PDE11A: variants seen among roughly 807,000 people sequenced by gnomAD.
PDE11A encodes the protein phosphodiesterase 11A.
Under a neutral mutation model 100.5 loss-of-function variants are expected in PDE11A, and 100 were observed. The ratio of observed to expected loss-of-function variants is 1.00; its 90% CI spans 0.85 to 1.18. The LOEUF is 1.18. Ranked by LOEUF, PDE11A falls within the 50% of genes most tolerant of loss-of-function variation. The probability of loss-of-function intolerance (pLI) is 0.00; values close to 1 mark genes in which losing one functional copy is unlikely to be tolerated. For synonymous variants in PDE11A, 381 were observed against 420.8 expected, an observed-to-expected ratio of 0.91 and a Z score of 1.16; for missense variants, 1,141 against 1,152.6, an observed-to-expected ratio of 0.99 and a Z score of 0.15.
chr2:177,785,732 A>G (rs1178025247), intron 9 of PDE11A, among the ~76,000 whole-genome samples: 1 of 152,276 alleles, frequency 6.6e-6, no homozygotes, highest in East Asian at 1.9e-4. Flanking sequence ...CCAGGAGATT[A>G]TATCCCACAC....
At chr2:177,908,257 CAGAAGCA>C (rs755433264) in intron 2 of PDE11A, among the ~76,000 whole-genome samples, 3 of 152,170 alleles carry the variant, frequency 2.0e-5, no homozygotes, top group Non-Finnish European at 4.4e-5. Flanking sequence ...CAGGAGACTG[CAGAAGCA>C]GGAAGCAGTT....
At chr2:177,983,894 C>A (rs2085911764) in intron 2 of PDE11A, among the ~76,000 whole-genome samples, 3 of 152,156 alleles carry the variant, frequency 2.0e-5, no homozygotes, top group Admixed American at 2.0e-4. Context: ...AGAAAAGTGA[C>A]CTTCTAGATG....
chr2:177,727,819 C>G (rs1398667654), intron 11 of PDE11A, 54 bp from the exon 12 acceptor site: 2 of 1,113,550 alleles, frequency 1.8e-6, no homozygotes, highest in East Asian at 4.7e-5. Context: ...TCTAGTGGAC[C>G]CTTATCTCAA....
chr2:177,669,705 C>A, intron 17 of PDE11A, 138 bp from the exon 18 acceptor site: 1 of 663,014 alleles, frequency 1.5e-6, no homozygotes. Context: ...GTATATTAAC[C>A]TTTCATGTTT....
upstream of PDE11A, among the ~76,000 whole-genome samples, chr2:178,075,186 G>C (rs1274036891): frequency 6.6e-6 from 1 of 152,126 alleles, no homozygotes; most frequent in East Asian, 1.9e-4. Flanking sequence ...GGAGGAAAAA[G>C]TTACTAGGAC....
chr2:178,049,483 G>A (rs2086794085), intron 1 of PDE11A, among the ~76,000 whole-genome samples: 1 of 152,170 alleles, frequency 6.6e-6, no homozygotes, highest in Non-Finnish European at 1.5e-5. Context: ...CATCTCACTG[G>A]GGCTTGTCTG....
At chr2:177,681,042 GC>G (rs1472429129) in intron 15 of PDE11A, 139 bp from the exon 16 acceptor site, 1 of 632,004 alleles carries the variant, frequency 1.6e-6, no homozygotes, top group Non-Finnish European at 2.8e-6. Flanking sequence ...AAATCATGAG[GC>G]TAAAGCACTA....
chr2:177,822,338 G>A (rs1014936824), intron 6 of PDE11A, among the ~76,000 whole-genome samples: 9 of 151,490 alleles, frequency 5.9e-5, no homozygotes, highest in African/African-American at 1.7e-4. Flanking sequence ...CTGTTTTGAG[G>A]GAAAAAGCAA....
intron 9 of PDE11A, among the ~76,000 whole-genome samples, chr2:177,775,259 A>G (rs2082362928): frequency 6.6e-6 from 1 of 152,212 alleles, no homozygotes; most frequent in East Asian, 1.9e-4. Flanking sequence ...AATTCGTTAC[A>G]GCAGCCACAG....
chr2:177,948,083 A>G (rs1318765160), intron 2 of PDE11A, among the ~76,000 whole-genome samples: 3 of 151,982 alleles, frequency 2.0e-5, no homozygotes, highest in Non-Finnish European at 4.4e-5. Context: ...GCATGTGTGT[A>G]TATGTATACA....
intron 1 of PDE11A, among the ~76,000 whole-genome samples, chr2:178,041,227 T>G (rs2086679220): frequency 6.8e-6 from 1 of 148,024 alleles, no homozygotes; most frequent in Non-Finnish European, 1.5e-5. Flanking sequence ...GGTGTGAGCC[T>G]CCATGTCAAG....
At chr2:177,871,054 GA>G (rs2084122575) in intron 5 of PDE11A, among the ~76,000 whole-genome samples, 1 of 152,136 alleles carries the variant, frequency 6.6e-6, no homozygotes, top group South Asian at 2.1e-4. Context: ...AGGGAACTCG[GA>G]GAAAATACGG....
At chr2:177,796,082 T>C (rs556373546) in intron 9 of PDE11A, among the ~76,000 whole-genome samples, 8 of 151,370 alleles carry the variant, frequency 5.3e-5, no homozygotes, top group Non-Finnish European at 8.8e-5. Flanking sequence ...AGATTTTAGC[T>C]ACAGTAAGTC....
intron 10 of PDE11A, among the ~76,000 whole-genome samples, chr2:177,759,483 T>C (rs1279785679): frequency 6.6e-6 from 1 of 152,218 alleles, no homozygotes; most frequent in Non-Finnish European, 1.5e-5. Flanking sequence ...AAGTGCTTTA[T>C]CATGAAACTG....
chr2:177,810,690 G>C (rs965790889), intron 9 of PDE11A, among the ~76,000 whole-genome samples: 58 of 152,122 alleles, frequency 3.8e-4, no homozygotes, highest in African/African-American at 1.3e-3. Context: ...TGAGATTTCT[G>C]AGGGCCTCAA....
chr2:178,005,659 C>T (rs2086199786), intron 2 of PDE11A, among the ~76,000 whole-genome samples: 1 of 152,156 alleles, frequency 6.6e-6, no homozygotes, highest in Non-Finnish European at 1.5e-5. Context: ...ATAATACTGT[C>T]TACTAAGTAG....
chr2:177,856,610 A>G (rs1166554744), intron 5 of PDE11A, among the ~76,000 whole-genome samples: 3 of 152,112 alleles, frequency 2.0e-5, no homozygotes, highest in Non-Finnish European at 4.4e-5. Flanking sequence ...AATTATTTAA[A>G]AGAACCAAAC....
chr2:177,850,405 A>C (rs370018557), intron 5 of PDE11A, among the ~76,000 whole-genome samples: 3,337 of 152,076 alleles, frequency 0.022, 60 homozygotes, highest in East Asian at 0.074. Flanking sequence ...TAAAGACTTA[A>C]ATGTTAGACC....
At chr2:177,663,587 A>T (rs186664679) in intron 19 of PDE11A, among the ~76,000 whole-genome samples, 37 of 152,230 alleles carry the variant, frequency 2.4e-4, no homozygotes, top group Admixed American at 2.6e-4. Context: ...AGTTTGAGAG[A>T]TAGTAAATAA....
Sources: gnomAD v4.1 joint callset for allele counts (sites outside exome capture counted in the v4.1 genomes callset) on GRCh38, gnomAD v4.1.1 for gene constraint, MANE v1.5 for transcripts, NCBI Gene and HGNC (gene_info 2026-07-23, HGNC 2026-07-21) for gene names.